Variants in CD82 observed in about 807,000 individuals in gnomAD.
CD82 encodes CD82 molecule.
In CD82, 36 loss-of-function variants were observed where a neutral mutation model predicts 37.4. The ratio of observed to expected loss-of-function variants is 0.96; its 90% CI spans 0.74 to 1.27. The LOEUF is 1.27. CD82 is among the 50% of genes most tolerant of loss of function. The pLI is 0.00. For synonymous variants in CD82, 158 were observed against 137.4 expected (o/e 1.15, Z -1.05); for missense variants, 340 against 347.0 (o/e 0.98, Z 0.16).
chr11:44,592,047 G>A (rs1234963983), intron 2 of CD82, among the ~76,000 whole-genome samples: 1 of 152,058 alleles, frequency 6.6e-6, no homozygotes, highest in Non-Finnish European at 1.5e-5. Context: ...TCGAACTCCT[G>A]ACCTCAGGTC....
At chr11:44,575,183 A>G (rs1276086167) in intron 1 of CD82, among the ~76,000 whole-genome samples, 3 of 152,168 alleles carry the variant, frequency 2.0e-5, no homozygotes, top group Non-Finnish European at 2.9e-5. Flanking sequence ...CTTTTAGGGT[A>G]TGTGTATCTG....
chr11:44,588,105 C>A (rs1853083889), intron 2 of CD82, among the ~76,000 whole-genome samples: 1 of 152,202 alleles, frequency 6.6e-6, no homozygotes, highest in African/African-American at 2.4e-5. Context: ...AAAGTGACTG[C>A]ACAGCATGCG....
chr11:44,564,594 G>C, upstream of CD82: 1 of 421,728 alleles, frequency 2.4e-6, no homozygotes, highest in South Asian at 1.6e-5. Context: ...AGCTCTTGCA[G>C]CCCACCTCAA....
chr11:44,589,837 C>T (rs539907569), intron 2 of CD82, among the ~76,000 whole-genome samples: 8 of 151,288 alleles, frequency 5.3e-5, no homozygotes, highest in African/African-American at 7.3e-5. Flanking sequence ...GCTGCCTCTT[C>T]GTTTTGTTTT....
At chr11:44,617,050 C>T (rs1853574350) in intron 7 of CD82, among the ~76,000 whole-genome samples, 1 of 152,130 alleles carries the variant, frequency 6.6e-6, no homozygotes, top group Non-Finnish European at 1.5e-5. Context: ...TGGCACGCCC[C>T]CTGCTGGCCA....
intron 6 of CD82, 32 bp from the exon 7 acceptor site, chr11:44,615,240 T>C (rs1853545038): frequency 6.8e-7 from 1 of 1,471,782 alleles, no homozygotes; most frequent in African/African-American, 1.4e-5. Context: ...TTTCAGGAAA[T>C]CTGACCCTGA....
chr11:44,618,199 C>T lies in CD82; in HGVS notation c.476C>T (p.Thr159Ile). The T allele has an allele frequency of 3.1e-6, 5 of 1,614,086 alleles. No individual in the cohort carries two copies. Among genetic ancestry groups the T allele is most frequent in the Non-Finnish European group, 4.2e-6 (5 of 1,180,030 alleles). The change falls in exon 8 of 10, where the codon ACA becomes ATA. Residue 159 changes from threonine to isoleucine, a missense_variant. Thr to Ile is a moderately conservative substitution (Grantham distance 89). Transcript: ENST00000227155. ...GGCTGGGTCAGCTTCTACAACTGGA[C>T]AGACAACGCTGAGCTCATGAATCGC... ...CCGWVSFYNW[T>I]DNAELMNRPE...
At chr11:44,612,518 A>G (rs1033996414) in intron 6 of CD82, among the ~76,000 whole-genome samples, 2 of 146,980 alleles carry the variant, frequency 1.4e-5, no homozygotes, top group East Asian at 2.0e-4. Context: ...TGTAAATTGC[A>G]GAACTCTGTA....
At chr11:44,588,116 T>A (rs1463529216) in intron 2 of CD82, among the ~76,000 whole-genome samples, 1 of 152,186 alleles carries the variant, frequency 6.6e-6, no homozygotes, top group Non-Finnish European at 1.5e-5. Flanking sequence ...ACAGCATGCG[T>A]TATAGGAACT....
Position 44,598,400 on chromosome 11 carries a change from A to ATTTTTTTTTTTTTT in CD82, c.64-1742_64-1729dup, listed in dbSNP as rs71038809. Among the ~76,000 whole-genome samples, 290 of 58,900 alleles carry ATTTTTTTTTTTTTT rather than the reference A, an allele frequency of 4.9e-3. 49 individuals are homozygous for ATTTTTTTTTTTTTT. Among genetic ancestry groups the ATTTTTTTTTTTTTT allele is most frequent in the Non-Finnish European group, 5.8e-3 (194 of 33,702 alleles). 38.6% of individuals were successfully genotyped at this position (58,900 alleles called of 152,430 possible). On this transcript the variant is annotated intron_variant, in intron 3 of 9. Coordinates refer to ENST00000227155, the MANE Select transcript of CD82 (RefSeq NM_002231.4). ...CAGTTATCATGGATTTTTGGCCTTA[A>ATTTTTTTTTTTTTT]TTTTTTTTTTTTTTTTTTTTTTTTT...
upstream of CD82, among the ~76,000 whole-genome samples, chr11:44,564,867 C>A (rs1014917654): frequency 6.6e-6 from 1 of 152,240 alleles, no homozygotes; most frequent in African/African-American, 2.4e-5. Context: ...GACTTCCCTT[C>A]TCTGAGCCTT....
At chr11:44,596,083 G>A (rs540509929) in intron 3 of CD82, among the ~76,000 whole-genome samples, 88 of 152,252 alleles carry the variant, frequency 5.8e-4, no homozygotes, top group Non-Finnish European at 1.1e-3. Flanking sequence ...CCCTGGCCCC[G>A]GCCCTAGCTC....
chr11:44,575,463 C>T (rs1308501176), intron 1 of CD82, among the ~76,000 whole-genome samples: 1 of 152,226 alleles, frequency 6.6e-6, no homozygotes, highest in African/African-American at 2.4e-5. Flanking sequence ...CTCTGACATG[C>T]ATCAGTCCCT....
chr11:44,615,114 G>A (rs1217944127), intron 6 of CD82, among the ~76,000 whole-genome samples, 158 bp from the exon 7 acceptor site: 1 of 152,162 alleles, frequency 6.6e-6, no homozygotes, highest in African/African-American at 2.4e-5. Context: ...GGCACTGCCT[G>A]CATCGGGCAC....
At chr11:44,605,026 C>T (rs374574013) in intron 4 of CD82, 32 bp from the exon 5 acceptor site, 4 of 1,614,126 alleles carry the variant, frequency 2.5e-6, no homozygotes, top group South Asian at 1.1e-5. Flanking sequence ...ACCTGCTGTG[C>T]CCACTGATTT....
intron 1 of CD82, among the ~76,000 whole-genome samples, chr11:44,586,939 G>T (rs1853063816): frequency 6.6e-6 from 1 of 152,196 alleles, no homozygotes; most frequent in South Asian, 2.1e-4. Context: ...TATTCTAGTG[G>T]CGGATGCAGA....
At chr11:44,611,842 ATGGAAACCACCCATCTAGG>A (rs79507860) in intron 6 of CD82, among the ~76,000 whole-genome samples, 6,481 of 152,214 alleles carry the variant, frequency 0.043, 204 homozygotes, top group Middle Eastern at 0.11. Context: ...TGGTGTTTCC[ATGGAAACCACCCATCTAGG>A]TGGAAACCAC....
At chr11:44,596,804 A>G in intron 3 of CD82, 1 of 421,480 alleles carries the variant, frequency 2.4e-6, no homozygotes, top group Non-Finnish European at 4.8e-6. Context: ...TCAGATGTTC[A>G]GGGCGGAAGA....
chr11:44,590,874 C>T (rs1853135925), intron 2 of CD82, among the ~76,000 whole-genome samples: 1 of 152,168 alleles, frequency 6.6e-6, no homozygotes, highest in African/African-American at 2.4e-5. Flanking sequence ...GAAGTTGATG[C>T]CACAGCCCAT....
Sources: gnomAD v4.1 joint callset for allele counts (sites outside exome capture counted in the v4.1 genomes callset) on GRCh38, gnomAD v4.1.1 for gene constraint, MANE v1.5 for transcripts, NCBI Gene and HGNC (gene_info 2026-07-23, HGNC 2026-07-21) for gene names.